RHNO1: variants seen among roughly 807,000 people sequenced by gnomAD.
RHNO1 encodes RAD9, HUS1, RAD1-interacting nuclear orphan protein 1.
In RHNO1, 9 loss-of-function variants were observed where a neutral mutation model predicts 7.2. That is an observed-to-expected ratio of 1.25 (90% CI 0.75 to 2.18). The LOEUF is 2.18. Ranked by LOEUF, RHNO1 falls within the 30% of genes most tolerant of loss-of-function variation. The pLI is 0.00. For synonymous variants in RHNO1, 95 were observed against 107.5 expected, an observed-to-expected ratio of 0.88 and a Z score of 0.72; for missense variants, 292 against 284.5, an observed-to-expected ratio of 1.03 and a Z score of -0.19.
chr12:2,883,714 C>T (rs1316215548), intron 1 of RHNO1, among the ~76,000 whole-genome samples: 1 of 150,974 alleles, frequency 6.6e-6, no homozygotes, highest in African/African-American at 2.4e-5. Flanking sequence ...CAGGGTTTCT[C>T]CACGTTGGTC....
intron 1 of RHNO1, among the ~76,000 whole-genome samples, chr12:2,879,288 G>A (rs2098154245): frequency 6.6e-6 from 1 of 151,910 alleles, no homozygotes. Context: ...ACAGGCATGA[G>A]CCACTGTGCG....
At chr12:2,883,511 A>ATATATATATATTTT (rs2098161542) in intron 1 of RHNO1, among the ~76,000 whole-genome samples, 4 of 26,844 alleles carry the variant, frequency 1.5e-4, no homozygotes, top group Non-Finnish European at 2.5e-4. Context: ...ATATATATAT[A>ATATATATATATTTT]TTTTTTTTTT....
At position 2,887,804 on chromosome 12, in the gene RHNO1, T is replaced by C. The variant is rs147632601; in HGVS notation, c.169-107T>C. Reference sequence around the variant, plus strand: ...ATTAGACAGTTATTTTAGTTTTGTGTTCATTACTACAGTAGACCCCGATTT... The same window carrying C: ...ATTAGACAGTTATTTTAGTTTTGTGCTCATTACTACAGTAGACCCCGATTT... On this transcript the variant is annotated intron_variant, in intron 2 of 2. Coordinates refer to ENST00000489288, the MANE Select transcript of RHNO1 (RefSeq NM_001252499.3). 1.3e-3 allele frequency: 1,114 copies of C among 881,764 alleles called. 7 individuals are homozygous for C. In the African/African-American group the frequency reaches 0.017, roughly 13 times the overall value. 54.6% of individuals were successfully genotyped at this position (881,764 alleles called of 1,614,324 possible).
Position 2,881,746 on chromosome 12 carries a change from A to AAT in RHNO1, c.-84-3535_-84-3534dup, listed in dbSNP as rs1409913806. On this transcript the variant is annotated intron_variant, in intron 1 of 2. Coordinates refer to ENST00000489288, the MANE Select transcript of RHNO1 (RefSeq NM_001252499.3). Reference sequence around the variant, plus strand: ...ATAGCGAAACCCCGTCTCTACTAAAAATACAAAAATTAGCTAGGCATGGTG... The same window carrying AAT: ...ATAGCGAAACCCCGTCTCTACTAAAAATATACAAAAATTAGCTAGGCATGGTG... Among the ~76,000 whole-genome samples, 6 of 151,758 alleles carry AAT rather than the reference A, an allele frequency of 4.0e-5. 1 individual carries two copies. The highest frequency in any genetic ancestry group is 1.5e-4 in the African/African-American group (6 of 41,146).
chr12:2,887,989 A>T lies in RHNO1; in HGVS notation c.247A>T (p.Ser83Cys). The T allele has an allele frequency of 6.2e-7, 1 of 1,613,944 alleles. No individual in the cohort carries two copies. The highest frequency in any genetic ancestry group is 1.1e-5 in the South Asian group (1 of 91,066). Reference protein sequence around the residue: ...QKHQNRARHSSRKPTTSKFPH... With the variant: ...QKHQNRARHSCRKPTTSKFPH... The stretch of plus-strand genomic sequence containing the variant: ...ACACCAAAACCGGGCGAGACACTCA[A>T]GTCGAAAACCTACCACCTCCAAGTT... Residue 83 changes from serine to cysteine, a missense_variant, in exon 3 of 3, where the codon AGT becomes TGT. Physicochemically the swap from Ser to Cys is moderately radical, Grantham distance 112 (BLOSUM62 -1). Transcript: ENST00000489288.
intron 1 of RHNO1, among the ~76,000 whole-genome samples, chr12:2,883,069 A>AAAAAAAAAAAAAAAC (rs2098160092): frequency 1.4e-5 from 2 of 140,394 alleles, no homozygotes; most frequent in Admixed American, 7.4e-5. Flanking sequence ...CCTGTCTCAA[A>AAAAAAAAAAAAAAAC]AAAAAAAAAA....
At chr12:2,884,393 GT>G (rs1406771572) in intron 1 of RHNO1, among the ~76,000 whole-genome samples, 6 of 152,018 alleles carry the variant, frequency 3.9e-5, no homozygotes, top group Admixed American at 2.0e-4. Flanking sequence ...CGCCCAGCTA[GT>G]TTTTGTATTT....
At chr12:2,881,398 C>T (rs1001562886) in intron 1 of RHNO1, among the ~76,000 whole-genome samples, 30 of 151,952 alleles carry the variant, frequency 2.0e-4, no homozygotes, top group African/African-American at 6.8e-4. Flanking sequence ...CCACTGCGCC[C>T]GGCCTCTCTA....
intron 1 of RHNO1, among the ~76,000 whole-genome samples, chr12:2,883,075 A>AAAAACAAC (rs1555108319): frequency 1.5e-5 from 2 of 134,484 alleles, no homozygotes; most frequent in Admixed American, 7.9e-5. Flanking sequence ...TCAAAAAAAA[A>AAAAACAAC]AAAAAAAAAA....
rs7304839 is a variant in RHNO1 at position 2,883,738 on chromosome 12, A to G, written c.-84-1545A>G. On this transcript the variant is annotated intron_variant, in intron 1 of 2. Coordinates refer to ENST00000489288, the MANE Select transcript of RHNO1 (RefSeq NM_001252499.3). ...TCCACGTTGGTCAGGCTGGTCTCGA[A>G]CTCCCGACCTCAGGTGATCCACCCG... 4.0e-3 allele frequency among the ~76,000 whole-genome samples: 605 copies of G among 151,080 alleles called. 1 individual carries two copies. Among genetic ancestry groups the G allele is most frequent in the Non-Finnish European group, 7.4e-3 (503 of 67,754 alleles).
chr12:2,879,456 C>T (rs1195597573), intron 1 of RHNO1, among the ~76,000 whole-genome samples: 1 of 151,884 alleles, frequency 6.6e-6, no homozygotes, highest in East Asian at 1.9e-4. Context: ...CCTCAGCCTC[C>T]TGAGTAGCTG....
intron 1 of RHNO1, among the ~76,000 whole-genome samples, chr12:2,883,016 A>C (rs1296792308): frequency 6.7e-6 from 1 of 149,128 alleles, no homozygotes; most frequent in Non-Finnish European, 1.5e-5. Context: ...GCAATGATCC[A>C]TGATCACACC....
rs181422080 is a variant in RHNO1 at position 2,882,754 on chromosome 12, T to C, written c.-84-2529T>C. On this transcript the variant is annotated intron_variant, in intron 1 of 2. Transcript: ENST00000489288. ...AAACAGGTCAAGGGGTTGAGTTGAC[T>C]GTTATTTTAGACATAGTTATTAGGG... Among the ~76,000 whole-genome samples the C allele has an allele frequency of 3.9e-5, 6 of 152,088 alleles. No homozygotes were observed. The East Asian group carries it at 1.2e-3, about 29-fold the overall frequency.
chr12:2,882,865 C>G (rs1482438355), intron 1 of RHNO1, among the ~76,000 whole-genome samples: 1 of 151,970 alleles, frequency 6.6e-6, no homozygotes, highest in East Asian at 1.9e-4. Flanking sequence ...AATTTGAGAC[C>G]AGCCTAGGCA....
chr12:2,885,498 C>T lies in RHNO1; in HGVS notation c.132C>T (p.Pro44=). Residue 44 remains proline, a synonymous_variant, in exon 2 of 3, where the codon CCC becomes CCT. Coordinates refer to ENST00000489288, the MANE Select transcript of RHNO1 (RefSeq NM_001252499.3). ...CCATCACTCACACTCGACAGGTGCC[C>T]AGCAAGCCCATTGACCACAGCACCA... ...QLPITHTRQV[P]SKPIDHSTIT... 1.9e-6 allele frequency: 3 copies of T among 1,613,590 alleles called. No individual in the cohort carries two copies. Among genetic ancestry groups the T allele is most frequent in the Non-Finnish European group, 2.5e-6 (3 of 1,179,910 alleles).
chr12:2,885,680 T>C (rs1451691007), intron 2 of RHNO1, 146 bp downstream of exon 2: 1 of 641,536 alleles, frequency 1.6e-6, no homozygotes, highest in Admixed American at 3.7e-5. Flanking sequence ...GTTCACACCA[T>C]TCTCCTGCCT....
At chr12:2,886,793 G>C (rs1172407669) in intron 2 of RHNO1, among the ~76,000 whole-genome samples, 1 of 152,130 alleles carries the variant, frequency 6.6e-6, no homozygotes, top group Non-Finnish European at 1.5e-5. Flanking sequence ...ACTTATTCAG[G>C]ACTGCTTGGA....
intron 1 of RHNO1, among the ~76,000 whole-genome samples, chr12:2,881,159 G>A (rs1390994002): frequency 1.3e-5 from 2 of 152,054 alleles, no homozygotes; most frequent in East Asian, 1.9e-4. Context: ...CTGGAGTGCA[G>A]TGGCGTGATC....
At chr12:2,887,882 GCTCAC>G (rs1369311854) in intron 2 of RHNO1, 24 bp from the exon 3 acceptor site, 1 of 1,508,638 alleles carries the variant, frequency 6.6e-7, no homozygotes, top group East Asian at 2.3e-5. Flanking sequence ...ACTTAGTTAG[GCTCAC>G]CTCACTTTTT....
Sources: gnomAD v4.1 joint callset for allele counts (sites outside exome capture counted in the v4.1 genomes callset) on GRCh38, gnomAD v4.1.1 for gene constraint, MANE v1.5 for transcripts, NCBI Gene and HGNC (gene_info 2026-07-23, HGNC 2026-07-21) for gene names.